Variants in AP3D1 observed in about 807,000 individuals in gnomAD.
AP3D1 encodes the protein adaptor related protein complex 3 subunit delta 1, also known as AP-3 complex subunit delta-1.
In AP3D1, 51 loss-of-function variants were observed where a neutral mutation model predicts 147.6. The observed-to-expected ratio is 0.35, with a 90% CI of 0.28 to 0.44. The LOEUF (loss-of-function observed/expected upper bound fraction) is 0.44, where lower values mean the gene tolerates loss of function less well. Ranked by LOEUF, AP3D1 falls within the 20% of genes least tolerant of loss-of-function variation. The probability of loss-of-function intolerance (pLI) is 1.00; values close to 1 mark genes in which losing one functional copy is unlikely to be tolerated. For synonymous variants in AP3D1, 760 were observed against 663.0 expected (o/e 1.15, Z -2.25); for missense variants, 1,421 against 1,624.2 (o/e 0.87, Z 2.15).
intron 1 of AP3D1, among the ~76,000 whole-genome samples, chr19:2,147,083 G>A (rs1001114946): frequency 6.6e-6 from 1 of 152,168 alleles, no homozygotes; most frequent in East Asian, 1.9e-4. Context: ...GGTGGCTCAC[G>A]CCTGTCATCC....
Position 2,146,432 on chromosome 19 carries a change from C to T in AP3D1, c.96+4807G>A, listed in dbSNP as rs10414953. On this transcript the variant is annotated intron_variant, in intron 1 of 31. Transcript: ENST00000643116. ...CAGCCTGGCCGATACAGTGAAACCC[C>T]GTCTCTGCTAAAAATACAAAAATTA... Among the ~76,000 whole-genome samples the T allele has an allele frequency of 6.7e-3, 1,025 of 152,064 alleles. 11 individuals carry two copies. The highest frequency in any genetic ancestry group is 0.023 in the African/African-American group (960 of 41,464).
At chr19:2,162,033 G>GTTTTT (rs1186533323) in intron 1 of AP3D1, among the ~76,000 whole-genome samples, 2 of 130,696 alleles carry the variant, frequency 1.5e-5, no homozygotes, top group South Asian at 2.5e-4. Context: ...AGCCCATTGA[G>GTTTTT]TTTTTTTTTT....
At chr19:2,112,040 G>T (rs1434342638) in intron 24 of AP3D1, 3 of 712,242 alleles carry the variant, frequency 4.2e-6, no homozygotes, top group Non-Finnish European at 6.8e-6. Context: ...TTGGCGGCAA[G>T]CGCCAAAGCA....
chr19:2,108,039 G>C (rs1038260423), intron 31 of AP3D1, among the ~76,000 whole-genome samples: 18 of 152,164 alleles, frequency 1.2e-4, no homozygotes, highest in Non-Finnish European at 1.0e-4. Context: ...GAACTCCCCA[G>C]GCCCGATGGT....
chr19:2,114,677 A>T, intron 21 of AP3D1, 71 bp downstream of exon 21: 1 of 832,822 alleles, frequency 1.2e-6, no homozygotes, highest in Non-Finnish European at 1.8e-6. Flanking sequence ...CCCCACCCGG[A>T]AGGGAGGACG....
At chr19:2,114,394 G>A (rs1048387391) in intron 21 of AP3D1, 92 bp from the exon 22 acceptor site, 14 of 1,079,108 alleles carry the variant, frequency 1.3e-5, no homozygotes, top group South Asian at 7.3e-5. Flanking sequence ...GTGGCAGTGC[G>A]GGACCTGCTC....
exon 1 of AP3D1, chr19:2,164,356 C>T: frequency 1.2e-6 from 1 of 868,016 alleles, no homozygotes; most frequent in Non-Finnish European, 1.5e-6. Flanking sequence ...CCGCGCTCAC[C>T]GGTCCCCCCT....
At chr19:2,164,190 G>A (rs922351653) in intron 1 of AP3D1, 4 of 1,259,668 alleles carry the variant, frequency 3.2e-6, no homozygotes, top group African/African-American at 3.1e-5. Context: ...CGGACATGGG[G>A]GAGAAGCTGG....
chr19:2,154,139 G>C (rs147002031), upstream of AP3D1, among the ~76,000 whole-genome samples: 169 of 152,024 alleles, frequency 1.1e-3, no homozygotes, highest in African/African-American at 3.9e-3. Context: ...GTAGAGACTG[G>C]GTTTCACCAT....
At chr19:2,129,287 T>C (rs764599805) in intron 7 of AP3D1, 31 bp downstream of exon 7, 3 of 1,612,582 alleles carry the variant, frequency 1.9e-6, no homozygotes, top group Non-Finnish European at 2.5e-6. Context: ...CCACACAGGG[T>C]GAGGAGGCCA....
chr19:2,134,278 AGGT>A (rs2019021979), intron 4 of AP3D1, among the ~76,000 whole-genome samples: 2 of 151,900 alleles, frequency 1.3e-5, no homozygotes, highest in African/African-American at 4.8e-5. Flanking sequence ...AAAATCAGCC[AGGT>A]GTGGTGGTGT....
chr19:2,142,746 GT>G (rs1388036672), intron 1 of AP3D1, among the ~76,000 whole-genome samples: 3 of 141,832 alleles, frequency 2.1e-5, no homozygotes, highest in Non-Finnish European at 3.1e-5. Context: ...GCTCTGAGGG[GT>G]TTTTTCTGTT....
chr19:2,146,052 C>T (rs767438802), intron 1 of AP3D1, among the ~76,000 whole-genome samples: 6 of 152,100 alleles, frequency 3.9e-5, no homozygotes, highest in African/African-American at 7.2e-5. Context: ...AGGGCCTCTA[C>T]GGCTTGAGTC....
intron 22 of AP3D1, among the ~76,000 whole-genome samples, chr19:2,113,856 A>G (rs1178015517): frequency 6.6e-6 from 1 of 152,286 alleles, no homozygotes; most frequent in African/African-American, 2.4e-5. Context: ...GACCACGCCG[A>G]GCTCTGACCA....
Position 2,101,866 on chromosome 19 carries a change from G to T in AP3D1, c.*307C>A. 2.7e-6 allele frequency: 1 copy of T among 363,934 alleles called. No homozygotes were observed. Among genetic ancestry groups the T allele is most frequent in the Non-Finnish European group, 5.1e-6 (1 of 197,128 alleles). The allele number at this position is 363,934 out of a possible 1,614,324, so 22.5% of individuals were successfully genotyped here. On this transcript the variant is annotated 3_prime_UTR_variant, in exon 32 of 32. Coordinates refer to ENST00000643116, the MANE Select transcript of AP3D1 (RefSeq NM_001261826.3). ...CTGGCCCAGGACAGGAGCCCCTGAA[G>T]CCACATTCAAGGACTCGGCCCCCAG...
At chr19:2,124,236 C>A (rs1291019869) in intron 9 of AP3D1, among the ~76,000 whole-genome samples, 1 of 152,246 alleles carries the variant, frequency 6.6e-6, no homozygotes, top group African/African-American at 2.4e-5. Flanking sequence ...AACCCAGGCG[C>A]TGGGTCTCTG....
intron 9 of AP3D1, among the ~76,000 whole-genome samples, chr19:2,126,859 A>T (rs1443692180): frequency 6.6e-6 from 1 of 152,114 alleles, no homozygotes; most frequent in African/African-American, 2.4e-5. Flanking sequence ...CTTTATCTGC[A>T]GGTGAATCTT....
At chr19:2,135,988 T>A (rs1005450616) in intron 4 of AP3D1, among the ~76,000 whole-genome samples, 2 of 145,156 alleles carry the variant, frequency 1.4e-5, no homozygotes, top group Non-Finnish European at 3.0e-5. Flanking sequence ...CCAAGGAGAC[T>A]CCCGCCCAGG....
chr19:2,116,710 C>T lies in AP3D1; in HGVS notation c.1896G>A (p.Ser632=), dbSNP rs377692892. ...GCCTCTCGTCCTCTGACTCGCTGTC[C>T]GAGAGTGGCTCATTGATCCAGGCGT... ...DLDAWINEPL[S]DSESEDERPR... The change falls in exon 17 of 32, where the codon TCG becomes TCA. Residue 632 remains serine (S), a synonymous_variant. Coordinates refer to ENST00000643116, the MANE Select transcript of AP3D1 (RefSeq NM_001261826.3). 50 of 1,611,702 alleles carry T rather than the reference C, an allele frequency of 3.1e-5. No individual in the cohort carries two copies. Among genetic ancestry groups the T allele is most frequent in the Admixed American group, 5.0e-5 (3 of 59,812 alleles).
Sources: gnomAD v4.1 joint callset for allele counts (sites outside exome capture counted in the v4.1 genomes callset) on GRCh38, gnomAD v4.1.1 for gene constraint, MANE v1.5 for transcripts, NCBI Gene and HGNC (gene_info 2026-07-23, HGNC 2026-07-21) for gene names.